PPP2R3B: variants seen among roughly 807,000 people sequenced by gnomAD.
PPP2R3B encodes protein phosphatase 2 regulatory subunit B''beta.
Under a neutral mutation model 72.9 loss-of-function variants are expected in PPP2R3B, and 68 were observed. That is an observed-to-expected ratio of 0.93 (90% CI 0.77 to 1.14). PPP2R3B has a LOEUF of 1.14. Among genes scored for constraint, PPP2R3B ranks in the 50% most tolerant of loss-of-function variants. The pLI, the probability that PPP2R3B is intolerant of heterozygous loss-of-function variation, is 0.00. For synonymous variants in PPP2R3B, 466 were observed against 375.8 expected (o/e 1.24, Z -2.78); for missense variants, 1,018 against 842.0 (o/e 1.21, Z -2.59).
Position 341,033 on chromosome X carries a change from G to A in PPP2R3B, c.1176-93C>T, listed in dbSNP as rs749713011. 119 of 1,501,896 alleles carry A rather than the reference G, an allele frequency of 7.9e-5. No individual in the cohort carries two copies. The Admixed American group carries it at 1.4e-3, about 18-fold the overall frequency. The allele number at this position is 1,501,896 out of a possible 1,614,324, so 93.0% of individuals were successfully genotyped here. A position where few individuals can be genotyped will look rare whatever the true frequency, so the allele number is the denominator to read the frequency against. Reference sequence around the variant, plus strand: ...GGCAGCCCCCACCGGGGGTGCACGCGTCCCCGCTGTGCCTTGCAGCCCCCA... The same window carrying A: ...GGCAGCCCCCACCGGGGGTGCACGCATCCCCGCTGTGCCTTGCAGCCCCCA... On this transcript the variant is annotated intron_variant, in intron 9 of 12. Coordinates refer to ENST00000390665, the MANE Select transcript of PPP2R3B (RefSeq NM_013239.5).
chrX:380,100 G>A (rs985894632), intron 1 of PPP2R3B, among the ~76,000 whole-genome samples: 5 of 152,122 alleles, frequency 3.3e-5, no homozygotes, highest in African/African-American at 1.2e-4. Flanking sequence ...ATCACAGGCC[G>A]AAACGCAAAC....
chrX:359,311 C>T (rs1274634439), intron 2 of PPP2R3B, among the ~76,000 whole-genome samples: 1 of 152,228 alleles, frequency 6.6e-6, no homozygotes, highest in African/African-American at 2.4e-5. Flanking sequence ...AAGGATAAAA[C>T]GCGGAAGCTG....
intron 9 of PPP2R3B, among the ~76,000 whole-genome samples, 165 bp downstream of exon 9, chrX:341,132 CCCACCAGGCG>C (rs1223903840): frequency 8.8e-5 from 1 of 11,396 alleles, no homozygotes; most frequent in African/African-American, 2.9e-4. Context: ...CCGTGCAGCC[CCCACCAGGCG>C]TGCACATGTC....
intron 1 of PPP2R3B, among the ~76,000 whole-genome samples, chrX:363,621 TC>T (rs2071606550): frequency 1.1e-5 from 1 of 89,512 alleles, no homozygotes; most frequent in Non-Finnish European, 2.3e-5. Context: ...ACAATGCATC[TC>T]CCCGAGCCCA....
Position 345,321 on chromosome X carries a change from G to C in PPP2R3B, c.1036+195C>G. 1.2e-6 allele frequency: 1 copy of C among 813,014 alleles called. No homozygotes were observed. The highest frequency in any genetic ancestry group is 2.1e-6 in the Non-Finnish European group (1 of 487,774). The allele number at this position is 813,014 out of a possible 1,614,324, so 50.4% of individuals were successfully genotyped here. On this transcript the variant is annotated intron_variant, in intron 7 of 12. Coordinates refer to ENST00000390665, the MANE Select transcript of PPP2R3B (RefSeq NM_013239.5). ...GCAGAGGCCTCGGGCAGAGGCGCAC[G>C]CGGGGACCCAGACACGGGGCAGCGA...
chrX:373,328 C>T (rs2071907815), intron 1 of PPP2R3B, among the ~76,000 whole-genome samples: 2 of 152,230 alleles, frequency 1.3e-5, no homozygotes, highest in Non-Finnish European at 2.9e-5. Flanking sequence ...AGAGCAGCAC[C>T]CGGTTTTCGG....
rs1480960875 is a variant in PPP2R3B, at chrX:333,978, T to G, written c.*389A>C. The G allele has an allele frequency of 2.2e-5, 4 of 185,108 alleles. No individual in the cohort carries two copies. The East Asian group carries it at 5.3e-4, about 25-fold the overall frequency. 11.5% of individuals were successfully genotyped at this position (185,108 alleles called of 1,614,324 possible). ...GATCGCCAGAAACGGTTTTGTACGTTTACACAAAACATTCACACAGCCTGT... is the reference window on the plus strand; with the variant it reads ...GATCGCCAGAAACGGTTTTGTACGTGTACACAAAACATTCACACAGCCTGT... On this transcript the variant is annotated 3_prime_UTR_variant, in exon 13 of 13. Transcript: ENST00000390665.
chrX:354,233 GCT>G (rs2071395894), intron 2 of PPP2R3B, among the ~76,000 whole-genome samples: 7 of 54,054 alleles, frequency 1.3e-4, no homozygotes, highest in African/African-American at 5.3e-4. Flanking sequence ...GGGACCGGGG[GCT>G]CACCCAAACA....
intron 7 of PPP2R3B, chrX:345,139 C>T (rs2071169853): frequency 2.0e-6 from 1 of 507,590 alleles, no homozygotes; most frequent in Non-Finnish European, 3.8e-6. Context: ...GGAAACTGCT[C>T]CAGGCCTTGG....
Position 386,670 on chromosome X carries a change from G to T in PPP2R3B, c.22C>A (p.Gln8Lys). ...TCCACCTTCATCTTCAGGACCGGCT[G>T]CAGCACTTTGCCGGGCGGCATGGCG... MPPGKVLQPVLKMKVDEL... is the reference protein window; with the variant it reads MPPGKVLKPVLKMKVDEL... Residue 8 changes from glutamine to lysine, a missense_variant, in exon 1 of 13, where the codon CAG becomes AAG. Coordinates refer to ENST00000390665, the MANE Select transcript of PPP2R3B (RefSeq NM_013239.5). 1 of 1,332,426 alleles carries T rather than the reference G, an allele frequency of 7.5e-7. No individual in the cohort carries two copies. Among genetic ancestry groups the T allele is most frequent in the South Asian group, 2.2e-5 (1 of 45,522 alleles). The allele number at this position is 1,332,426 out of a possible 1,614,324, so 82.5% of individuals were successfully genotyped here.
At chrX:337,878 C>T (rs2070933618) in intron 12 of PPP2R3B, 1 of 153,306 alleles carries the variant, frequency 6.5e-6, no homozygotes, top group Non-Finnish European at 1.5e-5. Context: ...AGGGGAACCT[C>T]AATCCGAGCT....
intron 7 of PPP2R3B, among the ~76,000 whole-genome samples, chrX:344,443 G>A (rs1342051647): frequency 2.6e-5 from 4 of 152,246 alleles, no homozygotes; most frequent in Non-Finnish European, 5.9e-5. Flanking sequence ...TGGGACGCAC[G>A]AGCCAAGGTG....
rs189045553 is a variant in PPP2R3B, at chrX:350,740, C to T, written c.511-3047G>A. Among the ~76,000 whole-genome samples, 1,056 of 152,338 alleles carry T rather than the reference C, an allele frequency of 6.9e-3. 4 individuals are homozygous for T. Among genetic ancestry groups the T allele is most frequent in the Non-Finnish European group, 0.012 (849 of 68,032 alleles). On this transcript the variant is annotated intron_variant, in intron 2 of 12. Transcript: ENST00000390665. ...CTGCCAGGCAGCTGGGTGTCCTCCG[C>T]GTTGCTGGGGGAACTGGGACGCCAC...
intron 7 of PPP2R3B, chrX:345,181 G>A: frequency 7.1e-6 from 4 of 566,390 alleles, no homozygotes; most frequent in South Asian, 4.6e-5. Context: ...GAGGGAAGGC[G>A]TGTGGCCTGC....
chrX:367,687 T>C (rs1267937242), intron 1 of PPP2R3B, among the ~76,000 whole-genome samples: 4 of 152,160 alleles, frequency 2.6e-5, no homozygotes, highest in African/African-American at 4.8e-5. Context: ...TCACAGTCCA[T>C]CACACGGATG....
intron 2 of PPP2R3B, among the ~76,000 whole-genome samples, chrX:356,204 A>C (rs1569397195): frequency 6.6e-6 from 1 of 152,116 alleles, no homozygotes; most frequent in Non-Finnish European, 1.5e-5. Context: ...CCCCGGAAGC[A>C]GGGTTTTTTG....
intron 2 of PPP2R3B, among the ~76,000 whole-genome samples, chrX:360,573 G>A (rs1451213059): frequency 2.0e-5 from 3 of 152,268 alleles, no homozygotes; most frequent in South Asian, 4.1e-4. Flanking sequence ...GCTCACTCCC[G>A]AGGACCCCCT....
intron 1 of PPP2R3B, among the ~76,000 whole-genome samples, chrX:368,452 G>C (rs1317671198): frequency 9.1e-6 from 1 of 109,974 alleles, no homozygotes; most frequent in Non-Finnish European, 1.8e-5. Context: ...ACTGACGGGG[G>C]GGAAGGCCGG....
chrX:347,340 G>A lies in PPP2R3B; in HGVS notation c.615-4C>T. On this transcript the variant is annotated splice_region_variant and splice_polypyrimidine_tract_variant and intron_variant, in intron 3 of 12. Coordinates refer to ENST00000390665, the MANE Select transcript of PPP2R3B (RefSeq NM_013239.5). ...GTCGTGGCAGTTCTGGAGGATTCTG[G>A]AAGGACAGGATGACTGGGCACCACC... The A allele has an allele frequency of 6.2e-7, 1 of 1,613,566 alleles. No homozygotes were observed. Among genetic ancestry groups the A allele is most frequent in the Non-Finnish European group, 8.5e-7 (1 of 1,179,618 alleles).
Sources: allele counts gnomAD v4.1 joint callset (sites outside exome capture counted in the v4.1 genomes callset), GRCh38; gene constraint gnomAD v4.1.1; transcripts MANE v1.5; gene names NCBI Gene and HGNC (gene_info 2026-07-23, HGNC 2026-07-21).